Variants in RBFOX1 observed in about 807,000 individuals in gnomAD.
The protein encoded by RBFOX1 is RNA binding protein fox-1 homolog 1.
RBFOX1 carries 8 observed loss-of-function variants against 57.7 expected under a neutral mutation model. The observed-to-expected ratio is 0.14, with a 90% CI of 0.08 to 0.25. The LOEUF is 0.25. Ranked by LOEUF, RBFOX1 falls within the 10% of genes least tolerant of loss-of-function variation. The probability of loss-of-function intolerance (pLI) is 1.00; values close to 1 mark genes in which losing one functional copy is unlikely to be tolerated. For synonymous variants in RBFOX1, 326 were observed against 222.4 expected (o/e 1.47, Z -4.15); for missense variants, 611 against 548.5 (o/e 1.11, Z -1.14).
intron 3 of RBFOX1, among the ~76,000 whole-genome samples, chr16:6,853,891 C>A (rs952248881): frequency 2.6e-5 from 4 of 152,094 alleles, no homozygotes; most frequent in African/African-American, 9.7e-5. Flanking sequence ...GGGCCAGGAT[C>A]TATATGATTT....
intron 2 of RBFOX1, among the ~76,000 whole-genome samples, chr16:5,539,515 G>C (rs570818337): frequency 6.6e-6 from 1 of 152,188 alleles, no homozygotes; most frequent in African/African-American, 2.4e-5. Context: ...TGAGGCAGGA[G>C]AATTGAACCT....
At chr16:5,586,994 C>T (rs947487405) in intron 2 of RBFOX1, among the ~76,000 whole-genome samples, 3 of 152,122 alleles carry the variant, frequency 2.0e-5, no homozygotes, top group Non-Finnish European at 4.4e-5. Context: ...GATGCCCTTC[C>T]CAGAGCAAAT....
chr16:6,223,127 T>C (rs995601382), intron 1 of RBFOX1, among the ~76,000 whole-genome samples: 3 of 150,106 alleles, frequency 2.0e-5, no homozygotes, highest in African/African-American at 7.3e-5. Flanking sequence ...TGGTTCCAAG[T>C]CTTTGCTATT....
chr16:7,143,887 A>G (rs1280583392), intron 4 of RBFOX1, among the ~76,000 whole-genome samples: 1 of 152,204 alleles, frequency 6.6e-6, no homozygotes. Context: ...CTACTACTAT[A>G]TAGTCCCTAG....
chr16:7,434,993 G>A (rs7201096), intron 4 of RBFOX1, among the ~76,000 whole-genome samples: 86,506 of 151,992 alleles, frequency 0.57, 29,281 homozygotes, highest in Non-Finnish European at 0.76. Flanking sequence ...GCCTGCCTTG[G>A]CCTCCCAAAG....
chr16:5,519,783 C>T (rs948676550), intron 2 of RBFOX1, among the ~76,000 whole-genome samples: 4 of 152,128 alleles, frequency 2.6e-5, no homozygotes, highest in Admixed American at 1.3e-4. Flanking sequence ...ACAGCCTGGG[C>T]GACTTGTTCC....
At chr16:6,839,441 T>A (rs531993069) in intron 3 of RBFOX1, among the ~76,000 whole-genome samples, 3 of 152,284 alleles carry the variant, frequency 2.0e-5, no homozygotes, top group Admixed American at 6.5e-5. Context: ...CCCTGAAATT[T>A]AACATGCTTC....
At chr16:6,599,194 C>T (rs929928836) in intron 2 of RBFOX1, among the ~76,000 whole-genome samples, 4 of 152,026 alleles carry the variant, frequency 2.6e-5, no homozygotes, top group African/African-American at 9.7e-5. Context: ...CTGTTCTCAT[C>T]CAAAGACGTG....
Position 7,712,475 on chromosome 16 carries a change from C to G in RBFOX1, c.*1730C>G, listed in dbSNP as rs1344452625. The G allele has an allele frequency of 6.6e-6, 1 of 152,342 alleles. No homozygotes were observed. Among genetic ancestry groups the G allele is most frequent in the Non-Finnish European group, 1.5e-5 (1 of 67,990 alleles). 9.4% of individuals were successfully genotyped at this position (152,342 alleles called of 1,614,324 possible). A position where few individuals can be genotyped will look rare whatever the true frequency, so the allele number is the denominator to read the frequency against. On this transcript the variant is annotated 3_prime_UTR_variant, in exon 16 of 16. Coordinates refer to ENST00000550418, the MANE Select transcript of RBFOX1 (RefSeq NM_018723.4). The stretch of plus-strand genomic sequence containing the variant: ...TAAGATCAGTTGGATATTAAACCAT[C>G]AATAAAGTTTCACAAGATTTGAAAA...
intron 13 of RBFOX1, among the ~76,000 whole-genome samples, chr16:7,670,567 G>C (rs923582987): frequency 6.6e-6 from 1 of 152,240 alleles, no homozygotes; most frequent in South Asian, 2.1e-4. Context: ...AATAATATTT[G>C]TACTGGAAAT....
In RBFOX1 at chr16:5,635,343, C is replaced by G. The variant is rs567385572; in HGVS notation, c.318+36382C>G. ...TGGAGGGAATATGCAGCCTCCTAGC[C>G]TGTCCCTCTCTCTGAATGTGGTTCT... On this transcript the variant is annotated intron_variant, in intron 3 of 19. Coordinates refer to the RBFOX1 transcript ENST00000641259. Among the ~76,000 whole-genome samples the G allele has an allele frequency of 5.3e-5, 8 of 152,294 alleles. No homozygotes were observed. The South Asian group carries it at 1.5e-3, about 28-fold the overall frequency.
chr16:7,598,148 G>C (rs1002018719), intron 9 of RBFOX1, among the ~76,000 whole-genome samples: 1 of 152,088 alleles, frequency 6.6e-6, no homozygotes, highest in Admixed American at 6.6e-5. Context: ...ATATGGGGAA[G>C]AAACCTGCCA....
intron 3 of RBFOX1, among the ~76,000 whole-genome samples, chr16:6,803,396 C>T (rs1450397147): frequency 1.3e-5 from 2 of 152,120 alleles, no homozygotes; most frequent in African/African-American, 4.8e-5. Flanking sequence ...AATCTGGAAA[C>T]CTTTCCCAGT....
chr16:6,740,908 T>A lies in RBFOX1; in HGVS notation c.-16+86258T>A, dbSNP rs559372811. 2.0e-5 allele frequency among the ~76,000 whole-genome samples: 3 copies of A among 152,336 alleles called. No individual in the cohort carries two copies. In the South Asian group the frequency reaches 6.2e-4, roughly 32 times the overall value. ...AATAGAAAAGCAAAGAAACTAGAGT[T>A]GTTAACACAATTTTGAAAAATAAGA... On this transcript the variant is annotated intron_variant, in intron 3 of 15. Transcript: ENST00000550418.
At chr16:5,292,944 A>G (rs1198375746) in intron 1 of RBFOX1, among the ~76,000 whole-genome samples, 1 of 152,016 alleles carries the variant, frequency 6.6e-6, no homozygotes, top group Non-Finnish European at 1.5e-5. Context: ...TTAAAAGCAC[A>G]TTTCTCTCAA....
chr16:6,889,764 C>A (rs753458177), intron 3 of RBFOX1, among the ~76,000 whole-genome samples: 1 of 152,276 alleles, frequency 6.6e-6, no homozygotes, highest in East Asian at 1.9e-4. Flanking sequence ...GTGGTAAAAA[C>A]CAGCATTTTT....
intron 4 of RBFOX1, among the ~76,000 whole-genome samples, chr16:7,299,478 C>G (rs1021555792): frequency 1.3e-5 from 2 of 152,172 alleles, no homozygotes; most frequent in African/African-American, 4.8e-5. Context: ...GAATCAGGCT[C>G]TAATCTCGAT....
At chr16:6,190,342 T>A (rs2152807952) in intron 1 of RBFOX1, among the ~76,000 whole-genome samples, 1 of 152,332 alleles carries the variant, frequency 6.6e-6, no homozygotes, top group East Asian at 1.9e-4. Flanking sequence ...ATAGACGTTG[T>A]TCTGTATATA....
chr16:5,295,622 G>T lies in RBFOX1; in HGVS notation c.219+55517G>T, dbSNP rs186100373. Among the ~76,000 whole-genome samples, 3 of 152,238 alleles carry T rather than the reference G, an allele frequency of 2.0e-5. No individual in the cohort carries two copies. In the East Asian group the frequency reaches 5.8e-4, roughly 29 times the overall value. On this transcript the variant is annotated intron_variant, in intron 1 of 2. Transcript: ENST00000585867. ...GCTGCCCTCAGCTTCTTGCCACGTG[G>T]GCCTCTCCATCTGGCCGCTCATGAC... is the stretch of plus-strand genomic sequence containing the variant.
Sources: gnomAD v4.1 joint callset for allele counts (sites outside exome capture counted in the v4.1 genomes callset) on GRCh38, gnomAD v4.1.1 for gene constraint, MANE v1.5 for transcripts, NCBI Gene and HGNC (gene_info 2026-07-23, HGNC 2026-07-21) for gene names.